Variants in ST6GALNAC3 observed in about 807,000 individuals in gnomAD.
ST6GALNAC3 encodes the protein alpha-N-acetylgalactosaminide alpha-2,6-sialyltransferase 3.
Under a neutral mutation model 32.7 loss-of-function variants are expected in ST6GALNAC3, and 25 were observed. That is an observed-to-expected ratio of 0.76 (90% CI 0.56 to 1.07). The LOEUF is 1.07. Among genes scored for constraint, ST6GALNAC3 ranks in the 50% least tolerant of loss-of-function variants. ST6GALNAC3 has a pLI of 0.00. For missense variants in ST6GALNAC3, 355 were observed against 382.4 expected (o/e 0.93, Z 0.60); for synonymous variants, 129 against 133.1 (o/e 0.97, Z 0.21).
At position 76,505,128 on chromosome 1, in the gene ST6GALNAC3, CT is replaced by C. The variant is rs764191036; in HGVS notation, c.623+92724del. 9.6e-3 allele frequency among the ~76,000 whole-genome samples: 1,372 copies of C among 143,212 alleles called. 18 individuals carry two copies. The highest frequency in any genetic ancestry group is 0.029 in the African/African-American group (1,123 of 39,314). 94.0% of individuals were successfully genotyped at this position (143,212 alleles called of 152,430 possible). A position where few individuals can be genotyped will look rare whatever the true frequency, so the allele number is the denominator to read the frequency against. On this transcript the variant is annotated intron_variant, in intron 3 of 4. Coordinates refer to ENST00000328299, the MANE Select transcript of ST6GALNAC3 (RefSeq NM_152996.4). ...AGAAGCAGGAAATGGGAAGCCAAAG[CT>C]TTTTTTTTTTTTCAGACAGAGTCTC...
rs200291957 is a variant in ST6GALNAC3, at chr1:76,412,299, G to A, written c.505G>A (p.Val169Ile). 72 of 1,613,466 alleles carry A rather than the reference G, an allele frequency of 4.5e-5. No homozygotes were observed. The highest frequency in any genetic ancestry group is 1.6e-4 in the African/African-American group (12 of 74,880). ...RNMRKDGNGI[V>I]YNMLKKTVGI... ...TATGAGGAAAGATGGCAATGGCATC[G>A]TTTACAACATGTTGAAAAAGACAGT... is the stretch of plus-strand genomic sequence containing the variant. The change falls in exon 3 of 5, where the codon GTT (valine) becomes ATT (isoleucine). Residue 169 changes from valine to isoleucine, a missense_variant. Val to Ile is a conservative substitution (Grantham distance 29, BLOSUM62 3). Transcript: ENST00000328299.
At chr1:76,611,559 A>G (rs918426721) in intron 3 of ST6GALNAC3, among the ~76,000 whole-genome samples, 1 of 152,178 alleles carries the variant, frequency 6.6e-6, no homozygotes, top group Non-Finnish European at 1.5e-5. Flanking sequence ...TCCTCCCTTC[A>G]GAGAAGCACA....
intron 2 of ST6GALNAC3, 63 bp from the exon 3 acceptor site, chr1:76,411,945 A>G (rs1654267500): frequency 6.5e-7 from 1 of 1,541,014 alleles, no homozygotes; most frequent in Non-Finnish European, 8.8e-7. Flanking sequence ...TTGTTTTCCC[A>G]TAGGAACTTG....
chr1:76,493,069 C>T (rs1039288505), intron 3 of ST6GALNAC3, among the ~76,000 whole-genome samples: 1 of 151,702 alleles, frequency 6.6e-6, no homozygotes, highest in African/African-American at 2.4e-5. Flanking sequence ...ACCATCAGAC[C>T]TCTCTTATAC....
chr1:76,207,474 T>G (rs1654885365), intron 1 of ST6GALNAC3, among the ~76,000 whole-genome samples: 1 of 152,244 alleles, frequency 6.6e-6, no homozygotes, highest in South Asian at 2.1e-4. Flanking sequence ...GACAAGAAGT[T>G]TACTTAGCTC....
chr1:76,133,319 G>A (rs1190640960), intron 1 of ST6GALNAC3, among the ~76,000 whole-genome samples: 2 of 152,176 alleles, frequency 1.3e-5, no homozygotes, highest in African/African-American at 4.8e-5. Flanking sequence ...ATCTGCCTGT[G>A]GCTGCAGAGC....
intron 1 of ST6GALNAC3, among the ~76,000 whole-genome samples, chr1:76,294,690 G>GT (rs59173045): frequency 0.057 from 8,682 of 151,088 alleles, 809 homozygotes; most frequent in African/African-American, 0.2. Flanking sequence ...AAAAGAGTAA[G>GT]TTTTTTTTTG....
At chr1:76,513,083 G>T (rs775279330) in intron 3 of ST6GALNAC3, among the ~76,000 whole-genome samples, 14 of 151,978 alleles carry the variant, frequency 9.2e-5, no homozygotes, top group Non-Finnish European at 1.9e-4. Context: ...TCTATAGGTT[G>T]TCTCTTCTCT....
At chr1:76,527,709 GT>G (rs1410379978) in intron 3 of ST6GALNAC3, among the ~76,000 whole-genome samples, 1 of 151,996 alleles carries the variant, frequency 6.6e-6, no homozygotes, top group Non-Finnish European at 1.5e-5. Context: ...TAATAATGTG[GT>G]TCTAGGAAAT....
intron 3 of ST6GALNAC3, among the ~76,000 whole-genome samples, chr1:76,601,332 G>A (rs1275527662): frequency 6.6e-6 from 1 of 152,142 alleles, no homozygotes; most frequent in Non-Finnish European, 1.5e-5. Context: ...AACTGGATAA[G>A]TTAAATGAAA....
intron 3 of ST6GALNAC3, among the ~76,000 whole-genome samples, chr1:76,488,877 C>A (rs1241918047): frequency 6.6e-6 from 1 of 152,198 alleles, no homozygotes; most frequent in Admixed American, 6.6e-5. Context: ...CTGTCCAGAA[C>A]TGGCTGTTGA....
At chr1:76,539,193 G>A (rs549403289) in intron 3 of ST6GALNAC3, among the ~76,000 whole-genome samples, 1 of 152,202 alleles carries the variant, frequency 6.6e-6, no homozygotes, top group Non-Finnish European at 1.5e-5. Context: ...ACAGAACAGA[G>A]ACCTCAGAAA....
intron 3 of ST6GALNAC3, among the ~76,000 whole-genome samples, chr1:76,599,133 T>C (rs1183756942): frequency 6.6e-6 from 1 of 152,196 alleles, no homozygotes; most frequent in Non-Finnish European, 1.5e-5. Flanking sequence ...TTAATACTTC[T>C]CATTTATTTT....
intron 1 of ST6GALNAC3, among the ~76,000 whole-genome samples, chr1:76,198,220 G>C (rs1384387768): frequency 6.6e-6 from 1 of 152,066 alleles, no homozygotes; most frequent in Non-Finnish European, 1.5e-5. Flanking sequence ...AAAATTAGTA[G>C]ATATGAAGTC....
intron 3 of ST6GALNAC3, among the ~76,000 whole-genome samples, chr1:76,491,134 A>G (rs942710054): frequency 6.6e-6 from 1 of 152,140 alleles, no homozygotes; most frequent in Non-Finnish European, 1.5e-5. Context: ...CTGGGATTAC[A>G]GGTGTGAGCC....
At chr1:76,257,905 C>T (rs56003674) in intron 1 of ST6GALNAC3, among the ~76,000 whole-genome samples, 5,062 of 152,190 alleles carry the variant, frequency 0.033, 123 homozygotes, top group African/African-American at 0.068. Context: ...TGTGGAATCT[C>T]GCTCTATAAA....
At chr1:76,190,894 A>G (rs1426731735) in intron 1 of ST6GALNAC3, among the ~76,000 whole-genome samples, 7 of 152,188 alleles carry the variant, frequency 4.6e-5, no homozygotes, top group Admixed American at 1.3e-4. Context: ...AAAAAGTGGA[A>G]GTGAAATTAG....
chr1:76,414,914 A>C (rs927363657), intron 3 of ST6GALNAC3, among the ~76,000 whole-genome samples: 1 of 152,018 alleles, frequency 6.6e-6, no homozygotes, highest in Non-Finnish European at 1.5e-5. Context: ...TATTTTTCAT[A>C]GTTTGTTTTA....
intron 3 of ST6GALNAC3, among the ~76,000 whole-genome samples, chr1:76,508,501 A>C (rs1661622163): frequency 3.3e-5 from 5 of 152,146 alleles, no homozygotes. Flanking sequence ...CAGAGTCTGC[A>C]CAGAAAGACC....
Sources: allele counts gnomAD v4.1 joint callset (sites outside exome capture counted in the v4.1 genomes callset), GRCh38; gene constraint gnomAD v4.1.1; transcripts MANE v1.5; gene names NCBI Gene and HGNC (gene_info 2026-07-23, HGNC 2026-07-21).